The following ENTREP2 variants were observed in gnomAD, a reference collection of about 807,000 sequenced individuals.
ENTREP2 encodes the protein protein ENTREP2.
chr15:29,132,182 C>G, the ENTREP2 span, among the ~76,000 whole-genome samples: 1 of 152,206 alleles, frequency 6.6e-6, no homozygotes, highest in African/African-American at 2.4e-5. Context: ...ACTACTGACC[C>G]TGCCTCGCCC....
At chr15:29,273,653 A>G in the ENTREP2 span, among the ~76,000 whole-genome samples, 1 of 152,200 alleles carries the variant, frequency 6.6e-6, no homozygotes, top group South Asian at 2.1e-4. Context: ...ACCCACGTTC[A>G]ATCTGGGTGG....
the ENTREP2 span, among the ~76,000 whole-genome samples, chr15:29,144,747 A>C: frequency 4.6e-5 from 7 of 151,990 alleles, no homozygotes; most frequent in East Asian, 1.9e-4. Context: ...AACAAACAAA[A>C]AAAAACATTT....
chr15:29,576,257 G>A, the ENTREP2 span, among the ~76,000 whole-genome samples: 1 of 152,188 alleles, frequency 6.6e-6, no homozygotes, highest in African/African-American at 2.4e-5. Context: ...AACAGATGGT[G>A]CTGGGACAAC....
At chr15:29,485,869 T>G in the ENTREP2 span, among the ~76,000 whole-genome samples, 4 of 152,114 alleles carry the variant, frequency 2.6e-5, no homozygotes. Context: ...ACGTAATAAA[T>G]GCTGGTGAGG....
the ENTREP2 span, among the ~76,000 whole-genome samples, chr15:29,296,314 T>C: frequency 6.6e-5 from 10 of 152,244 alleles, no homozygotes; most frequent in Admixed American, 2.6e-4. Flanking sequence ...TCAGGGTGAT[T>C]TGTAGGATTT....
the ENTREP2 span, among the ~76,000 whole-genome samples, chr15:29,314,456 C>T: frequency 6.6e-6 from 1 of 152,186 alleles, no homozygotes; most frequent in African/African-American, 2.4e-5. Context: ...AGACCCTCCA[C>T]CAGCAAACAG....
chr15:29,565,892 C>A, the ENTREP2 span, among the ~76,000 whole-genome samples: 2 of 150,972 alleles, frequency 1.3e-5, no homozygotes, highest in Non-Finnish European at 2.9e-5. Context: ...ACCCGGGAGG[C>A]GGAGTTTGCA....
chr15:29,513,267 C>T, the ENTREP2 span, among the ~76,000 whole-genome samples: 3,877 of 152,240 alleles, frequency 0.025, 109 homozygotes, highest in Non-Finnish European at 0.033. Flanking sequence ...CAAAGCTAGT[C>T]GGTACACCCG....
chr15:29,632,388 A>G, the ENTREP2 span, among the ~76,000 whole-genome samples: 1 of 152,232 alleles, frequency 6.6e-6, no homozygotes, highest in Non-Finnish European at 1.5e-5. Context: ...TTGTAGCTAG[A>G]AACTCCTGGA....
chr15:29,561,956 G>A, the ENTREP2 span, among the ~76,000 whole-genome samples: 2 of 152,182 alleles, frequency 1.3e-5, no homozygotes, highest in Non-Finnish European at 2.9e-5. Flanking sequence ...TGATCAAGGT[G>A]AATATCGCCA....
chr15:29,306,886 C>T, the ENTREP2 span, among the ~76,000 whole-genome samples: 1 of 151,392 alleles, frequency 6.6e-6, no homozygotes, highest in Non-Finnish European at 1.5e-5. Context: ...GCTGGGACTA[C>T]AGGCGCATGC....
the ENTREP2 span, among the ~76,000 whole-genome samples, chr15:29,639,032 G>T: frequency 1.2e-4 from 18 of 152,336 alleles, no homozygotes; most frequent in South Asian, 3.5e-3. Flanking sequence ...GCATGACTCA[G>T]TGTGAGACTT....
chr15:29,477,483 T>C, the ENTREP2 span, among the ~76,000 whole-genome samples: 1 of 152,218 alleles, frequency 6.6e-6, no homozygotes, highest in Non-Finnish European at 1.5e-5. Context: ...ATTCTGGCTT[T>C]GGTTATTAGC....
the ENTREP2 span, among the ~76,000 whole-genome samples, chr15:29,514,282 G>A: frequency 6.6e-6 from 1 of 152,084 alleles, no homozygotes; most frequent in African/African-American, 2.4e-5. Context: ...GTCTCTAGGT[G>A]CCTCGTATGA....
At chr15:29,262,547 C>G in the ENTREP2 span, among the ~76,000 whole-genome samples, 85,367 of 152,208 alleles carry the variant, frequency 0.56, 24,226 homozygotes, top group South Asian at 0.64. Flanking sequence ...CCAGACTGCT[C>G]AACATGCGGT....
chr15:29,656,920 G>A, the ENTREP2 span, among the ~76,000 whole-genome samples: 1 of 152,136 alleles, frequency 6.6e-6, no homozygotes, highest in Admixed American at 6.5e-5. Flanking sequence ...AGCTTTTTAT[G>A]ACCACAAAAC....
the ENTREP2 span, among the ~76,000 whole-genome samples, chr15:29,168,437 G>C: frequency 1.3e-5 from 2 of 152,220 alleles, no homozygotes; most frequent in Admixed American, 6.5e-5. Flanking sequence ...CAATCAGCGT[G>C]TGTGTGTAAA....
At chr15:29,235,984 A>AAC in the ENTREP2 span, among the ~76,000 whole-genome samples, 1 of 126,186 alleles carries the variant, frequency 7.9e-6, no homozygotes, top group South Asian at 3.0e-4. Flanking sequence ...AACAAAACAA[A>AAC]AAAAAACCCA....
the ENTREP2 span, among the ~76,000 whole-genome samples, chr15:29,181,808 TAAC>T: frequency 6.6e-6 from 1 of 152,150 alleles, no homozygotes; most frequent in Admixed American, 6.5e-5. Flanking sequence ...AGCAGACTGG[TAAC>T]AAAATGGGAT....
Sources: allele counts gnomAD v4.1 joint callset (sites outside exome capture counted in the v4.1 genomes callset), GRCh38; gene constraint gnomAD v4.1.1; transcripts MANE v1.5; gene names NCBI Gene and HGNC (gene_info 2026-07-23, HGNC 2026-07-21).